Variants in ECT2 observed in about 807,000 individuals in gnomAD.
The protein encoded by ECT2 is protein ECT2.
Under a neutral mutation model 116.9 loss-of-function variants are expected in ECT2, and 61 were observed. The observed-to-expected ratio is 0.52, with a 90% CI of 0.42 to 0.65. The LOEUF is 0.65. Among genes scored for constraint, ECT2 ranks in the 30% least tolerant of loss-of-function variants. ECT2 has a pLI of 0.00. For synonymous variants in ECT2, 358 were observed against 346.4 expected (o/e 1.03, Z -0.37); for missense variants, 937 against 1,078.7 (o/e 0.87, Z 1.84).
At position 172,793,353 on chromosome 3, in the gene ECT2, C is replaced by T. The variant is rs183588549; in HGVS notation, c.1907+6779C>T. ...CTAATTTTTGTATTTTTAGTAGAGA[C>T]GGGGTTTCCCCATGTTGGCCAAGTT... is the stretch of plus-strand genomic sequence containing the variant. On this transcript the variant is annotated intron_variant, in intron 18 of 24. Transcript: ENST00000392692. Among the ~76,000 whole-genome samples the T allele has an allele frequency of 1.6e-4, 25 of 152,010 alleles. No homozygotes were observed. The East Asian group carries it at 2.7e-3, about 16-fold the overall frequency.
intron 14 of ECT2, among the ~76,000 whole-genome samples, chr3:172,774,440 C>G (rs1009002621): frequency 3.9e-5 from 6 of 152,026 alleles, no homozygotes; most frequent in Admixed American, 6.6e-5. Context: ...CTCAAGTGGT[C>G]CACCCGTCTC....
chr3:172,807,890 G>A lies in ECT2; in HGVS notation c.2366G>A (p.Arg789Gln), dbSNP rs1360839374. 2.5e-6 allele frequency: 4 copies of A among 1,613,746 alleles called. No individual in the cohort carries two copies. The highest frequency in any genetic ancestry group is 2.2e-5 in the East Asian group (1 of 44,850). Reference protein sequence around the residue: ...PKENWLKMLCRHVANTICKAD... With the variant: ...PKENWLKMLCQHVANTICKAD... The stretch of plus-strand genomic sequence containing the variant: ...GAAAACTGGCTAAAGATGCTGTGTC[G>A]ACATGTAGCTAACACCATTTGTAAA... Residue 789 changes from arginine (R) to glutamine (Q), a missense_variant, in exon 22 of 25, where the codon CGA becomes CAA. By Grantham distance (43) the Arg-to-Gln change is conservative. Transcript: ENST00000392692.
chr3:172,763,663 T>C (rs1718775630), intron 11 of ECT2, among the ~76,000 whole-genome samples: 1 of 152,208 alleles, frequency 6.6e-6, no homozygotes, highest in Non-Finnish European at 1.5e-5. Context: ...CTAGTGTTTA[T>C]GGTGAATCTT....
At chr3:172,814,607 A>G (rs1367573937) in intron 22 of ECT2, among the ~76,000 whole-genome samples, 1 of 152,080 alleles carries the variant, frequency 6.6e-6, no homozygotes, top group African/African-American at 2.4e-5. Flanking sequence ...TTACTTAGAA[A>G]TTAATTGTCT....
chr3:172,822,986 A>G (rs1730749065), downstream of ECT2, among the ~76,000 whole-genome samples: 1 of 152,228 alleles, frequency 6.6e-6, no homozygotes, highest in East Asian at 1.9e-4. Context: ...CTAAAAATAG[A>G]AAAACATGGA....
At chr3:172,799,953 GTCC>G (rs1259949954) in intron 18 of ECT2, among the ~76,000 whole-genome samples, 1 of 152,076 alleles carries the variant, frequency 6.6e-6, no homozygotes, top group East Asian at 1.9e-4. Flanking sequence ...TTTCCTTTCT[GTCC>G]TCTTTGTTAC....
rs148401966 is a variant in ECT2 at position 172,816,692 on chromosome 3, T to A, written c.2510T>A (p.Val837Asp). The A allele has an allele frequency of 6.3e-7, 1 of 1,596,310 alleles. No individual in the cohort carries two copies. The highest frequency in any genetic ancestry group is 2.2e-5 in the East Asian group (1 of 44,496). ...AACTAATTGTAACTTAAACTCTAGG[T>A]TACAAGAGCATTCTCTTTCTCCAAA... ...SRAIKKTSKK[V>D]TRAFSFSKTP... is the part of the protein sequence containing the mutation. Residue 837 changes from valine to aspartate, a missense_variant and splice_region_variant, in exon 24 of 25, where the codon GTT becomes GAT. Coordinates refer to ENST00000392692, the MANE Select transcript of ECT2 (RefSeq NM_001258315.2).
intron 20 of ECT2, 119 bp from the exon 21 acceptor site, chr3:172,805,612 C>T (rs954462547): frequency 1.5e-5 from 15 of 999,406 alleles, no homozygotes; most frequent in Middle Eastern, 5.8e-4. Context: ...AACTTTGTAA[C>T]GAATAATAAC....
Position 172,786,542 on chromosome 3 carries a change from A to G in ECT2, c.1875A>G (p.Glu625=), listed in dbSNP as rs1684045074. 1.2e-6 allele frequency: 2 copies of G among 1,611,240 alleles called. No individual in the cohort carries two copies. Among genetic ancestry groups the G allele is most frequent in the African/African-American group, 1.3e-5 (1 of 74,966 alleles). The change falls in exon 18 of 25, where the codon GAA becomes GAG. Residue 625 remains glutamate (E), a synonymous_variant. Coordinates refer to ENST00000392692, the MANE Select transcript of ECT2 (RefSeq NM_001258315.2). ...ADENPDKSTL[E]KAIGSLKEVM... ...AAAATCCAGACAAAAGCACTTTAGAAAAAGCTATTGGATCACTGAAGGAAG... is the reference window on the plus strand; with the variant it reads ...AAAATCCAGACAAAAGCACTTTAGAGAAAGCTATTGGATCACTGAAGGAAG...
chr3:172,776,198 C>CTTTTTCTTTTTT (rs1559967386), intron 14 of ECT2, among the ~76,000 whole-genome samples: 1 of 111,598 alleles, frequency 9.0e-6, no homozygotes, highest in Non-Finnish European at 1.8e-5. Flanking sequence ...TCAGTTTTTT[C>CTTTTTCTTTTTT]TTTTTTTTTT....
chr3:172,767,487 A>G (rs930076692), intron 12 of ECT2, among the ~76,000 whole-genome samples: 4 of 152,294 alleles, frequency 2.6e-5, no homozygotes, highest in Non-Finnish European at 4.4e-5. Flanking sequence ...GTTTTCATAT[A>G]AAAGCATTTA....
downstream of ECT2, among the ~76,000 whole-genome samples, chr3:172,822,311 A>G (rs901179175): frequency 3.3e-5 from 5 of 152,012 alleles, no homozygotes; most frequent in Non-Finnish European, 7.4e-5. Flanking sequence ...AAGCTACTAC[A>G]TTTAGAGTGC....
chr3:172,815,494 C>T, intron 22 of ECT2, 110 bp from the exon 23 acceptor site: 1 of 641,450 alleles, frequency 1.6e-6, no homozygotes, highest in Non-Finnish European at 2.7e-6. Flanking sequence ...CATGAAAAGT[C>T]TTGAGTAGCT....
chr3:172,828,356 G>GTGTGTGTGGC, the ECT2 span, among the ~76,000 whole-genome samples: 5 of 152,120 alleles, frequency 3.3e-5, no homozygotes, highest in East Asian at 9.6e-4. Flanking sequence ...GTGTGTGGCT[G>GTGTGTGTGGC]TGTCTGTGTG....
intron 22 of ECT2, among the ~76,000 whole-genome samples, chr3:172,813,251 T>G (rs1025566197): frequency 6.6e-6 from 1 of 151,978 alleles, no homozygotes; most frequent in Non-Finnish European, 1.5e-5. Context: ...AAATTTGATA[T>G]AAAATATCTG....
intron 22 of ECT2, among the ~76,000 whole-genome samples, chr3:172,811,130 T>C (rs943227767): frequency 8.5e-5 from 13 of 152,204 alleles, no homozygotes; most frequent in Non-Finnish European, 1.5e-4. Flanking sequence ...TTTTATTTTT[T>C]CGTCCTTGTC....
intron 5 of ECT2, 118 bp from the exon 6 acceptor site, chr3:172,758,862 C>T: frequency 1.2e-6 from 1 of 827,386 alleles, no homozygotes; most frequent in Non-Finnish European, 1.9e-6. Context: ...GCCAGTAAAT[C>T]TTTGGATTGG....
At chr3:172,803,051 G>T (rs1727018992) in intron 20 of ECT2, 71 bp downstream of exon 20, 6 of 1,358,888 alleles carry the variant, frequency 4.4e-6, no homozygotes, top group Admixed American at 2.5e-5. Flanking sequence ...TTAAAACCAA[G>T]CTTTAATTGA....
chr3:172,775,281 A>C (rs59719737), intron 14 of ECT2, among the ~76,000 whole-genome samples: 9,340 of 152,308 alleles, frequency 0.061, 968 homozygotes, highest in African/African-American at 0.21. Flanking sequence ...ACCAATCGGA[A>C]TTACAGGATG....
Sources: allele counts gnomAD v4.1 joint callset (sites outside exome capture counted in the v4.1 genomes callset), GRCh38; gene constraint gnomAD v4.1.1; transcripts MANE v1.5; gene names NCBI Gene and HGNC (gene_info 2026-07-23, HGNC 2026-07-21).